UQCC1: variants seen among roughly 807,000 people sequenced by gnomAD.
UQCC1 encodes the protein bFGF-repressed Zic-binding protein.
A neutral mutation model predicts 48.0 loss-of-function variants in UQCC1; 38 were observed. The observed-to-expected ratio is 0.79, with a 90% CI of 0.61 to 1.04. The LOEUF is 1.04. Among genes scored for constraint, UQCC1 ranks in the 50% least tolerant of loss-of-function variants. The pLI, the probability that UQCC1 is intolerant of heterozygous loss-of-function variation, is 0.00. For missense variants in UQCC1, 368 were observed against 381.8 expected (o/e 0.96, Z 0.30); for synonymous variants, 111 against 129.2 (o/e 0.86, Z 0.95).
At chr20:35,343,631 C>G (rs1182557172) in intron 7 of UQCC1, among the ~76,000 whole-genome samples, 2 of 152,186 alleles carry the variant, frequency 1.3e-5, no homozygotes, top group African/African-American at 4.8e-5. Flanking sequence ...TTCCAAATCT[C>G]TATTATTTTA....
chr20:35,321,723 T>C (rs867893508), intron 7 of UQCC1, among the ~76,000 whole-genome samples: 2 of 152,202 alleles, frequency 1.3e-5, no homozygotes, highest in Non-Finnish European at 2.9e-5. Context: ...ACCCCTTTCT[T>C]ATTTATTTTG....
chr20:35,366,571 G>T lies in UQCC1; in HGVS notation c.450C>A (p.Thr150=), dbSNP rs148519202. Residue 150 remains threonine (T), a synonymous_variant, in exon 6 of 10, where the codon ACC becomes ACA. Coordinates refer to ENST00000374385, the MANE Select transcript of UQCC1 (RefSeq NM_018244.5). ...TGCTCACTTACCAGACGTGGAGTAGGGTTATAAGAAACCATGAATTGAATG... is the reference window on the plus strand; with the variant it reads ...TGCTCACTTACCAGACGTGGAGTAGTGTTATAAGAAACCATGAATTGAATG... ...PDTFNSWFLI[T]LLHVWMCLVR... 3 of 1,613,686 alleles carry T rather than the reference G, an allele frequency of 1.9e-6. No homozygotes were observed. Among genetic ancestry groups the T allele is most frequent in the Non-Finnish European group, 2.5e-6 (3 of 1,179,848 alleles).
chr20:35,409,328 A>G (rs1014444935), intron 1 of UQCC1: 1 of 152,506 alleles, frequency 6.6e-6, no homozygotes, highest in Non-Finnish European at 1.5e-5. Context: ...AAATTAGCTG[A>G]ACGTAGTGGC....
rs6120933 is a variant in UQCC1, at chr20:35,392,147, C to T, written c.129+1945G>A. The T allele has an allele frequency of 6.7e-3, 6,360 of 946,706 alleles. 307 individuals are homozygous for T. The African/African-American group carries it at 0.097, about 14-fold the overall frequency. 58.6% of individuals were successfully genotyped at this position (946,706 alleles called of 1,614,324 possible). On this transcript the variant is annotated intron_variant, in intron 2 of 9. Coordinates refer to ENST00000374385, the MANE Select transcript of UQCC1 (RefSeq NM_018244.5). Reference sequence around the variant, plus strand: ...TAAGAGTAAATTTACTATGTGAAAACGCAGCTCACACATCCCATTATGCAC... The same window carrying T: ...TAAGAGTAAATTTACTATGTGAAAATGCAGCTCACACATCCCATTATGCAC...
intron 8 of UQCC1, among the ~76,000 whole-genome samples, chr20:35,312,682 G>C (rs1296777530): frequency 1.3e-5 from 2 of 152,094 alleles, no homozygotes; most frequent in Non-Finnish European, 2.9e-5. Context: ...TAAAATATCA[G>C]GTGTTCATTA....
At chr20:35,355,956 T>G (rs1472195471) in intron 6 of UQCC1, among the ~76,000 whole-genome samples, 1 of 151,516 alleles carries the variant, frequency 6.6e-6, no homozygotes, top group African/African-American at 2.4e-5. Flanking sequence ...TAATCTCAGC[T>G]CACTGCAACC....
chr20:35,349,384 T>C (rs946565887), intron 6 of UQCC1, among the ~76,000 whole-genome samples: 1 of 152,202 alleles, frequency 6.6e-6, no homozygotes, highest in Non-Finnish European at 1.5e-5. Context: ...AAGTCATGCC[T>C]ACCTATGTGT....
rs755448900 is a variant in UQCC1 at position 35,347,289 on chromosome 20, CA to C, written c.465-18del. ...AGACACATCCTGGGTGGGAAGAAGA[CA>C]AAAAAAGTCTTGGCTGTTTGCATTT... On this transcript the variant is annotated intron_variant, in intron 6 of 9. Transcript: ENST00000374385. The C allele has an allele frequency of 8.3e-5, 134 of 1,611,746 alleles. No individual in the cohort carries two copies. Among genetic ancestry groups the C allele is most frequent in the Admixed American group, 1.0e-4 (6 of 59,766 alleles).
chr20:35,343,784 C>T (rs1277883278), intron 7 of UQCC1, among the ~76,000 whole-genome samples: 3 of 152,316 alleles, frequency 2.0e-5, no homozygotes, highest in Non-Finnish European at 4.4e-5. Flanking sequence ...TCACTAGCAA[C>T]ATCCGCATCA....
At chr20:35,344,485 AAG>A (rs1406791424) in intron 7 of UQCC1, 1 of 152,258 alleles carries the variant, frequency 6.6e-6, no homozygotes. Context: ...TCACTACAGG[AAG>A]AGCTACTGCG....
chr20:35,356,960 C>T (rs946730158), intron 6 of UQCC1, among the ~76,000 whole-genome samples: 30 of 151,946 alleles, frequency 2.0e-4, no homozygotes, highest in African/African-American at 6.3e-4. Context: ...AATAGAGACA[C>T]GAAAAAAATA....
intron 7 of UQCC1, among the ~76,000 whole-genome samples, chr20:35,337,188 A>G (rs938562754): frequency 6.7e-6 from 1 of 149,144 alleles, no homozygotes; most frequent in Non-Finnish European, 1.5e-5. Context: ...TAGAGCTAGC[A>G]TTCTTTTTTT....
chr20:35,333,089 A>T (rs916807476), intron 7 of UQCC1, among the ~76,000 whole-genome samples: 2 of 152,164 alleles, frequency 1.3e-5, no homozygotes, highest in African/African-American at 4.8e-5. Flanking sequence ...TTACAACAAA[A>T]GGCACATGTT....
intron 6 of UQCC1, among the ~76,000 whole-genome samples, chr20:35,352,646 A>G (rs2061501949): frequency 6.6e-6 from 1 of 152,130 alleles, no homozygotes; most frequent in Admixed American, 6.6e-5. Context: ...CTGACCTGGT[A>G]GAGGCCTAGG....
chr20:35,386,416 AT>A (rs753637203), intron 2 of UQCC1: 1 of 438,240 alleles, frequency 2.3e-6, no homozygotes, highest in Non-Finnish European at 4.5e-6. Context: ...AGAATTTCTA[AT>A]TGTGGAATGT....
At chr20:35,324,625 C>T (rs2061172014) in intron 7 of UQCC1, among the ~76,000 whole-genome samples, 2 of 152,070 alleles carry the variant, frequency 1.3e-5, no homozygotes, top group Non-Finnish European at 2.9e-5. Context: ...CGCACCTGGC[C>T]GAGCAAGATA....
At chr20:35,379,529 C>T (rs1036350562) in intron 4 of UQCC1, among the ~76,000 whole-genome samples, 1 of 152,126 alleles carries the variant, frequency 6.6e-6, no homozygotes, top group Non-Finnish European at 1.5e-5. Context: ...ATAGGCTGGG[C>T]GCAGTGGCTC....
rs555793924 is a variant in UQCC1 at position 35,390,518 on chromosome 20, A to G, written c.129+3574T>C. Reference sequence around the variant, plus strand: ...AGAGTTTTGCAAGATGAAAAAGTTTATAGAGATCTGTTGCAAAACAATGTG... The same window carrying G: ...AGAGTTTTGCAAGATGAAAAAGTTTGTAGAGATCTGTTGCAAAACAATGTG... On this transcript the variant is annotated intron_variant, in intron 2 of 9. Transcript: ENST00000374385. Among the ~76,000 whole-genome samples, 9 of 152,270 alleles carry G rather than the reference A, an allele frequency of 5.9e-5. No homozygotes were observed. In the East Asian group the frequency reaches 1.3e-3, roughly 23 times the overall value.
intron 7 of UQCC1, among the ~76,000 whole-genome samples, chr20:35,315,591 A>C (rs1266465963): frequency 1.3e-5 from 2 of 152,108 alleles, no homozygotes; most frequent in African/African-American, 4.8e-5. Context: ...AAGAATGTTA[A>C]AGTTAAGAGA....
Sources: gnomAD v4.1 joint callset for allele counts (sites outside exome capture counted in the v4.1 genomes callset) on GRCh38, gnomAD v4.1.1 for gene constraint, MANE v1.5 for transcripts, NCBI Gene and HGNC (gene_info 2026-07-23, HGNC 2026-07-21) for gene names.